OLFM1: variants seen among roughly 807,000 people sequenced by gnomAD.
OLFM1 encodes noelin.
OLFM1 carries 9 observed loss-of-function variants against 49.7 expected under a neutral mutation model. The ratio of observed to expected loss-of-function variants is 0.18; its 90% confidence interval spans 0.11 to 0.32. The LOEUF (loss-of-function observed/expected upper bound fraction) is 0.32, where lower values mean the gene tolerates loss of function less well. Among genes scored for constraint, OLFM1 ranks in the 10% least tolerant of loss-of-function variants. OLFM1 has a pLI of 1.00. For missense variants in OLFM1, 369 were observed against 661.8 expected (o/e 0.56, Z 4.85); for synonymous variants, 240 against 271.8 (o/e 0.88, Z 1.15).
chr9:135,080,705 A>G lies in OLFM1; in HGVS notation c.96+4903A>G, dbSNP rs1286044127. Among the ~76,000 whole-genome samples, 2 of 152,218 alleles carry G rather than the reference A, an allele frequency of 1.3e-5. No individual in the cohort carries two copies. The highest frequency in any genetic ancestry group is 2.9e-5 in the Non-Finnish European group (2 of 68,044). ...TTATCAGGCCCTGTAATCAGTATTA[A>G]CATCACCGTGTAAAGTAATACAAAA... is the stretch of plus-strand genomic sequence containing the variant. On this transcript the variant is annotated intron_variant, in intron 1 of 5. Coordinates refer to the OLFM1 transcript ENST00000252854. This position sits in a 1 kb window ranked among gnomAD's most constrained non-coding sequence, Gnocchi z 4.5.
chr9:135,076,918 A>T (rs1287924972), intron 1 of OLFM1: 2 of 1,550,542 alleles, frequency 1.3e-6, no homozygotes, highest in Non-Finnish European at 1.7e-6. Context: ...CTGGAAGCCC[A>T]CGCTGGCTCC....
At chr9:135,085,562 G>C (rs1830586253), upstream of OLFM1, among the ~76,000 whole-genome samples, 1 of 152,250 alleles carries the variant, frequency 6.6e-6, no homozygotes, top group African/African-American at 2.4e-5. Flanking sequence ...AGTGCCACCA[G>C]GGGCGCAGCA....
intron 4 of OLFM1, among the ~76,000 whole-genome samples, chr9:135,102,019 A>G (rs1481521756): frequency 6.6e-6 from 1 of 152,198 alleles, no homozygotes; most frequent in Non-Finnish European, 1.5e-5. Context: ...CTTCAGGGTC[A>G]GTCGGGTCTT....
Position 135,113,556 on chromosome 9 carries a change from C to T in OLFM1, c.784-5948C>T, listed in dbSNP as rs1190691625. On this transcript the variant is annotated intron_variant, in intron 5 of 5. Transcript: ENST00000371793. This position sits in a 1 kb window ranked among gnomAD's most constrained non-coding sequence, Gnocchi z 4.0. ...GAAACTCCCCAGGTCTCGCTGGAGA[C>T]TGGCGGTGGCTGGCGGTGGAGGCGC... 6.6e-6 allele frequency among the ~76,000 whole-genome samples: 1 copy of T among 152,184 alleles called. No individual in the cohort carries two copies. Among genetic ancestry groups the T allele is most frequent in the East Asian group, 1.9e-4 (1 of 5,184 alleles).
intron 4 of OLFM1, among the ~76,000 whole-genome samples, chr9:135,099,489 A>C (rs940638088): frequency 1.3e-5 from 2 of 152,214 alleles, no homozygotes; most frequent in Non-Finnish European, 2.9e-5. Flanking sequence ...TTTAAAAAAA[A>C]ACCTCTAATG....
At position 135,088,482 on chromosome 9, in the gene OLFM1, G is replaced by T. The variant is rs1436484365; in HGVS notation, c.150+343G>T. Among the ~76,000 whole-genome samples the T allele has an allele frequency of 6.6e-6, 1 of 152,130 alleles. No homozygotes were observed. ...ATGAGCCCCCCATTGAAAAGGTTAG[G>T]AAACTAAGGCTGGGGACTTGGGGAC... On this transcript the variant is annotated intron_variant, in intron 1 of 5. Transcript: ENST00000371793. This position sits in a 1 kb window ranked among gnomAD's most constrained non-coding sequence, Gnocchi z 4.8.
chr9:135,106,708 GC>G, intron 4 of OLFM1, 40 bp from the exon 5 acceptor site: 4 of 1,570,948 alleles, frequency 2.5e-6, no homozygotes, highest in Non-Finnish European at 3.5e-6. Context: ...GCGGGCCGGG[GC>G]CCCCGCCCTC....
chr9:135,093,574 C>A (rs1277691530), intron 2 of OLFM1, among the ~76,000 whole-genome samples: 3 of 152,122 alleles, frequency 2.0e-5, no homozygotes, highest in African/African-American at 7.2e-5. Context: ...CCAGGTGTGT[C>A]TTTGTGTGTT....
At chr9:135,099,672 G>T (rs1830844959) in intron 4 of OLFM1, among the ~76,000 whole-genome samples, 1 of 152,186 alleles carries the variant, frequency 6.6e-6, no homozygotes, top group Non-Finnish European at 1.5e-5. Context: ...GAAATGCTTG[G>T]AGTCAGAGAA....
At chr9:135,086,365 A>G (rs907152616), upstream of OLFM1, among the ~76,000 whole-genome samples, 1 of 152,240 alleles carries the variant, frequency 6.6e-6, no homozygotes, top group Non-Finnish European at 1.5e-5. Flanking sequence ...CCCAGCACTC[A>G]GGCCAGGATC....
rs1393307239 is a variant in OLFM1, at chr9:135,080,852, C to T, written c.96+5050C>T. On this transcript the variant is annotated intron_variant, in intron 1 of 5. Transcript: ENST00000252854. The surrounding 1 kb of genome is among the most constrained non-coding windows in gnomAD (Gnocchi z 4.5). The stretch of plus-strand genomic sequence containing the variant: ...CACCCTGCACGCTCGGAAACCTCAG[C>T]GCTGTCCCGACTGGCACCGCAGGGC... Among the ~76,000 whole-genome samples, 2 of 152,068 alleles carry T rather than the reference C, an allele frequency of 1.3e-5. No individual in the cohort carries two copies. The highest frequency in any genetic ancestry group is 2.4e-5 in the African/African-American group (1 of 41,410).
intron 2 of OLFM1, among the ~76,000 whole-genome samples, chr9:135,091,616 GTC>G (rs1491189093): frequency 5.9e-5 from 3 of 50,574 alleles, no homozygotes; most frequent in Non-Finnish European, 1.2e-4. Context: ...TAGTCACACA[GTC>G]ACACACACTC....
At chr9:135,099,429 C>T (rs1401843807) in intron 4 of OLFM1, among the ~76,000 whole-genome samples, 3 of 152,140 alleles carry the variant, frequency 2.0e-5, no homozygotes, top group Non-Finnish European at 4.4e-5. Flanking sequence ...CTTCCACACA[C>T]ACACACTCCA....
chr9:135,104,926 G>A (rs1478454490), intron 4 of OLFM1, among the ~76,000 whole-genome samples: 1 of 152,200 alleles, frequency 6.6e-6, no homozygotes, highest in African/African-American at 2.4e-5. Context: ...GGAGTCTCTT[G>A]TGAGACTTCT....
chr9:135,087,139 A>T, upstream of OLFM1: 1 of 1,155,754 alleles, frequency 8.7e-7, no homozygotes, highest in Non-Finnish European at 1.2e-6. Context: ...GGGCGCCTTT[A>T]GCTCTCCACC....
intron 2 of OLFM1, among the ~76,000 whole-genome samples, chr9:135,094,170 C>G (rs1223824026): frequency 6.6e-6 from 1 of 152,118 alleles, no homozygotes; most frequent in African/African-American, 2.4e-5. Flanking sequence ...GGCCATGTGG[C>G]TGCAGGAGCT....
At chr9:135,087,345 G>A, upstream of OLFM1, 4 of 1,543,016 alleles carry the variant, frequency 2.6e-6, no homozygotes, top group Non-Finnish European at 3.5e-6. Context: ...CCCTCTGCGG[G>A]GATCGGAGAG....
intron 5 of OLFM1, among the ~76,000 whole-genome samples, chr9:135,109,297 T>C (rs1830989584): frequency 1.3e-5 from 2 of 152,346 alleles, no homozygotes; most frequent in Non-Finnish European, 2.9e-5. Flanking sequence ...GCCCCGGCTG[T>C]TTGCTTTGCA....
At chr9:135,075,856 CG>C (rs1441096264) in intron 1 of OLFM1, 1 of 1,509,996 alleles carries the variant, frequency 6.6e-7, no homozygotes, top group Non-Finnish European at 8.9e-7. Flanking sequence ...CCCGGCCCCT[CG>C]GGAGCCCCAC....
Sources: gnomAD v4.1 joint callset for allele counts (sites outside exome capture counted in the v4.1 genomes callset) on GRCh38, gnomAD v4.1.1 for gene constraint, Gnocchi (gnomAD v3.1) non-coding constraint, MANE v1.5 for transcripts, NCBI Gene and HGNC (gene_info 2026-07-23, HGNC 2026-07-21) for gene names.